Variants in SCML2 observed in about 807,000 individuals in gnomAD.
SCML2 encodes sex comb on midleg-like protein 2.
A neutral mutation model predicts 48.4 loss-of-function variants in SCML2; 6 were observed. That is an observed-to-expected ratio of 0.12 (90% CI 0.07 to 0.24). The LOEUF is 0.24. Ranked by LOEUF, SCML2 falls within the 10% of genes least tolerant of loss-of-function variation. SCML2 has a pLI of 1.00. For synonymous variants in SCML2, 181 were observed against 189.5 expected, an observed-to-expected ratio of 0.95 and a Z score of 0.37; for missense variants, 377 against 528.2, an observed-to-expected ratio of 0.71 and a Z score of 2.81.
At chrX:18,291,968 C>T (rs1022915724) in intron 7 of SCML2, among the ~76,000 whole-genome samples, 3 of 110,595 alleles carry the variant, frequency 2.7e-5, no homozygotes, top group African/African-American at 6.6e-5. Flanking sequence ...TATGACACAG[C>T]GTTGATATGT....
At chrX:18,267,597 T>C (rs1927298175) in intron 7 of SCML2, among the ~76,000 whole-genome samples, 1 of 109,207 alleles carries the variant, frequency 9.2e-6, no homozygotes, top group Non-Finnish European at 1.9e-5. Context: ...TGGGTTTTTT[T>C]TTTTTTGAGA....
intron 7 of SCML2, among the ~76,000 whole-genome samples, chrX:18,283,488 A>T (rs956256190): frequency 8.9e-6 from 1 of 112,363 alleles, no homozygotes; most frequent in Non-Finnish European, 1.9e-5. Flanking sequence ...GGAAAAGAAG[A>T]AGTCAAACTA....
intron 11 of SCML2, among the ~76,000 whole-genome samples, chrX:18,255,184 AC>A (rs962410451): frequency 5.4e-5 from 6 of 111,967 alleles, no homozygotes; most frequent in African/African-American, 1.9e-4. Context: ...TCTAACAGCT[AC>A]CTTTTATTGC....
intron 1 of SCML2, among the ~76,000 whole-genome samples, chrX:18,340,739 G>A (rs186161092): frequency 3.8e-5 from 4 of 105,828 alleles, no homozygotes; most frequent in Non-Finnish European, 5.8e-5. Context: ...GAACCCAGGA[G>A]ACAGAGGCTG....
chrX:18,333,923 C>G, intron 2 of SCML2, 127 bp downstream of exon 2: 1 of 512,316 alleles, frequency 2.0e-6, no homozygotes, highest in South Asian at 4.9e-5. Flanking sequence ...AATTCAAATT[C>G]TAAGCACCTA....
intron 7 of SCML2, among the ~76,000 whole-genome samples, chrX:18,270,507 C>T (rs981875973): frequency 2.7e-5 from 3 of 110,867 alleles, no homozygotes; most frequent in Non-Finnish European, 5.7e-5. Flanking sequence ...AACTCCTAGG[C>T]TCAAGTAATC....
At chrX:18,332,987 A>T (rs1428961665) in intron 2 of SCML2, among the ~76,000 whole-genome samples, 1 of 110,593 alleles carries the variant, frequency 9.0e-6, no homozygotes, top group Non-Finnish European at 1.9e-5. Flanking sequence ...AATATTTTTT[A>T]AAAAAAGGCC....
At chrX:18,343,161 C>T (rs181813599) in intron 1 of SCML2, among the ~76,000 whole-genome samples, 137 of 105,714 alleles carry the variant, frequency 1.3e-3, no homozygotes, top group African/African-American at 4.6e-3. Context: ...CTTTCGTGTG[C>T]CCCACCTCCC....
intron 7 of SCML2, among the ~76,000 whole-genome samples, chrX:18,302,826 T>C (rs1019905466): frequency 8.9e-6 from 1 of 112,245 alleles, no homozygotes; most frequent in Non-Finnish European, 1.9e-5. Context: ...TGTGCAGCTA[T>C]CCAATGAACA....
chrX:18,289,259 T>C (rs1304068631), intron 7 of SCML2, among the ~76,000 whole-genome samples: 1 of 112,358 alleles, frequency 8.9e-6, no homozygotes, highest in African/African-American at 3.2e-5. Context: ...GTTGCAGTAT[T>C]TAGCTGGAAC....
chrX:18,249,625 T>C (rs1378431997), intron 11 of SCML2, among the ~76,000 whole-genome samples: 1 of 111,318 alleles, frequency 9.0e-6, no homozygotes, highest in Non-Finnish European at 1.9e-5. Context: ...GCCAAAAAGC[T>C]TAAAAGGAAA....
At chrX:18,334,014 C>G (rs774426627) in intron 2 of SCML2, 36 bp downstream of exon 2, 2 of 1,152,764 alleles carry the variant, frequency 1.7e-6, no homozygotes, top group Admixed American at 2.3e-5. Flanking sequence ...AAATGAGTAA[C>G]TAAAAACATT....
chrX:18,242,290 A>G (rs112628761), intron 14 of SCML2, 149 bp downstream of exon 14: 234 of 550,119 alleles, frequency 4.3e-4, no homozygotes, highest in Middle Eastern at 5.9e-4. Context: ...CATTTAAGGA[A>G]CTAATCTTGG....
In SCML2 at chrX:18,283,573, C is replaced by T. The variant is rs184321619; in HGVS notation, c.731-17771G>A. Among the ~76,000 whole-genome samples, 3 of 112,684 alleles carry T rather than the reference C, an allele frequency of 2.7e-5. No individual in the cohort carries two copies. In the East Asian group the frequency reaches 8.4e-4, roughly 31 times the overall value. On this transcript the variant is annotated intron_variant, in intron 7 of 14. Transcript: ENST00000251900. The stretch of plus-strand genomic sequence containing the variant: ...TGCCAAAAGGCTAGTAGAACTGATA[C>T]ATTATTTTAGCAAGGTTTCAGGATA...
chrX:18,319,446 A>G (rs1405867636), intron 6 of SCML2, among the ~76,000 whole-genome samples: 1 of 109,584 alleles, frequency 9.1e-6, no homozygotes, highest in African/African-American at 3.3e-5. Flanking sequence ...AAAAATACAA[A>G]AAAAGTATCT....
chrX:18,247,709 A>G, intron 12 of SCML2, 60 bp downstream of exon 12: 1 of 882,662 alleles, frequency 1.1e-6, no homozygotes, highest in East Asian at 3.1e-5. Flanking sequence ...CCAAGAGTAT[A>G]CATAAGTGGT....
intron 7 of SCML2, among the ~76,000 whole-genome samples, chrX:18,289,105 AC>A (rs1301880940): frequency 9.0e-6 from 1 of 111,706 alleles, no homozygotes; most frequent in Non-Finnish European, 1.9e-5. Context: ...CTAACTGCTA[AC>A]CCACTGCATC....
Position 18,246,835 on chromosome X carries a change from G to T in SCML2, c.1571-7C>A, listed in dbSNP as rs752391295. On this transcript the variant is annotated splice_polypyrimidine_tract_variant and splice_region_variant and intron_variant, in intron 12 of 14. Coordinates refer to ENST00000251900, the MANE Select transcript of SCML2 (RefSeq NM_006089.3). Reference sequence around the variant, plus strand: ...CCAGCAAACAATGGTTCTCCTACAGGGAAAAAGACAAAGGAGGCTATCTTC... The same window carrying T: ...CCAGCAAACAATGGTTCTCCTACAGTGAAAAAGACAAAGGAGGCTATCTTC... 5 of 1,182,642 alleles carry T rather than the reference G, an allele frequency of 4.2e-6. No homozygotes were observed. In the East Asian group the frequency reaches 1.5e-4, roughly 35 times the overall value.
intron 2 of SCML2, among the ~76,000 whole-genome samples, chrX:18,333,836 CCTCT>C (rs1298312669): frequency 1.8e-5 from 2 of 111,813 alleles, no homozygotes; most frequent in African/African-American, 3.2e-5. Flanking sequence ...ATGACCTTAA[CCTCT>C]CTAAGTTTCA....
Sources: allele counts gnomAD v4.1 joint callset (sites outside exome capture counted in the v4.1 genomes callset), GRCh38; gene constraint gnomAD v4.1.1; transcripts MANE v1.5; gene names NCBI Gene and HGNC (gene_info 2026-07-23, HGNC 2026-07-21).